The following ACOXL variants were observed in gnomAD, a reference collection of about 807,000 sequenced individuals.
ACOXL encodes the protein acyl-CoA oxidase like, also known as acyl-coenzyme A oxidase-like protein.
Under a neutral mutation model 71.9 loss-of-function variants are expected in ACOXL, and 70 were observed. The observed-to-expected ratio is 0.97, with a 90% CI of 0.80 to 1.19. The LOEUF (loss-of-function observed/expected upper bound fraction) is 1.19. ACOXL is among the 50% of genes most tolerant of loss of function. The probability of loss-of-function intolerance (pLI) is 0.00; values close to 1 mark genes in which losing one functional copy is unlikely to be tolerated. For synonymous variants in ACOXL, 253 were observed against 281.6 expected (o/e 0.90, Z 1.02); for missense variants, 703 against 736.3 (o/e 0.95, Z 0.52).
intron 11 of ACOXL, among the ~76,000 whole-genome samples, chr2:110,930,412 G>C (rs149274886): frequency 0.014 from 2,126 of 152,330 alleles, 26 homozygotes; most frequent in Middle Eastern, 0.051. Context: ...TAACTAACTT[G>C]CTTTTGATTT....
intron 4 of ACOXL, 152 bp from the exon 5 acceptor site, chr2:110,793,924 A>C (rs1684970656): frequency 2.4e-6 from 2 of 832,256 alleles, no homozygotes; most frequent in Non-Finnish European, 3.8e-6. Flanking sequence ...TCATGTTGTT[A>C]AGCTCACATT....
chr2:110,790,285 T>C (rs1684488741), intron 3 of ACOXL, among the ~76,000 whole-genome samples: 1 of 152,136 alleles, frequency 6.6e-6, no homozygotes, highest in Admixed American at 6.5e-5. Flanking sequence ...CCACCAGATT[T>C]CCCTTCCACT....
At chr2:110,806,279 C>G (rs796108538) in intron 9 of ACOXL, among the ~76,000 whole-genome samples, 2 of 152,356 alleles carry the variant, frequency 1.3e-5, no homozygotes, top group South Asian at 4.1e-4. Context: ...CATCAACACG[C>G]GTACGCGGCC....
At chr2:110,882,133 C>T (rs1696735128) in intron 10 of ACOXL, among the ~76,000 whole-genome samples, 1 of 152,156 alleles carries the variant, frequency 6.6e-6, no homozygotes, top group Non-Finnish European at 1.5e-5. Flanking sequence ...CAATCCTTAG[C>T]GTGGTCAGTC....
intron 12 of ACOXL, chr2:110,963,824 T>G: frequency 1.4e-6 from 2 of 1,438,540 alleles, no homozygotes; most frequent in Non-Finnish European, 1.9e-6. Context: ...GCTTTCCTGT[T>G]AGGCACTTGA....
intron 1 of ACOXL, among the ~76,000 whole-genome samples, chr2:110,740,340 G>A (rs531362735): frequency 1.3e-5 from 2 of 152,234 alleles, no homozygotes; most frequent in Non-Finnish European, 2.9e-5. Context: ...AAATCCCAGT[G>A]TTCATCTCTT....
intron 3 of ACOXL, among the ~76,000 whole-genome samples, chr2:110,792,451 G>A (rs1684766149): frequency 6.6e-6 from 1 of 151,954 alleles, no homozygotes; most frequent in Admixed American, 6.6e-5. Flanking sequence ...CATCCTCTTT[G>A]TCTTCCTCCT....
chr2:110,872,892 G>T (rs1031304749), intron 10 of ACOXL, among the ~76,000 whole-genome samples: 4 of 152,228 alleles, frequency 2.6e-5, no homozygotes, highest in South Asian at 2.1e-4. Context: ...CCAGTGAAAT[G>T]TCTCCAAGGA....
chr2:110,848,415 G>A (rs1025975928), intron 10 of ACOXL, among the ~76,000 whole-genome samples: 5 of 152,188 alleles, frequency 3.3e-5, no homozygotes, highest in Admixed American at 1.3e-4. Context: ...GGATGGTTGC[G>A]TTTTTGATGG....
chr2:111,075,727 T>C (rs2067567905), intron 16 of ACOXL, among the ~76,000 whole-genome samples: 1 of 152,114 alleles, frequency 6.6e-6, no homozygotes, highest in South Asian at 2.1e-4. Flanking sequence ...CTCTGAGTAC[T>C]ACTTTTCCTG....
chr2:111,091,273 C>G (rs1031593183), intron 16 of ACOXL, among the ~76,000 whole-genome samples: 3 of 152,152 alleles, frequency 2.0e-5, no homozygotes, highest in Admixed American at 1.3e-4. Flanking sequence ...TCTTGTCCAT[C>G]CTATTTAAAT....
At chr2:110,803,678 C>T (rs113341220) in intron 8 of ACOXL, among the ~76,000 whole-genome samples, 5 of 152,050 alleles carry the variant, frequency 3.3e-5, no homozygotes, top group African/African-American at 9.7e-5. Context: ...TGGACTTCAT[C>T]GAAGTTATAA....
At chr2:110,927,339 C>T (rs2060310697) in intron 11 of ACOXL, among the ~76,000 whole-genome samples, 1 of 152,148 alleles carries the variant, frequency 6.6e-6, no homozygotes, top group South Asian at 2.1e-4. Flanking sequence ...CAAACCAAAT[C>T]ATGGGTCAAG....
chr2:110,966,159 G>A (rs1001828676), intron 12 of ACOXL, among the ~76,000 whole-genome samples: 9 of 152,180 alleles, frequency 5.9e-5, no homozygotes, highest in Admixed American at 4.6e-4. Flanking sequence ...GCCTTAGTGG[G>A]GCTGAGCAGG....
intron 12 of ACOXL, among the ~76,000 whole-genome samples, chr2:110,959,701 G>A (rs1251536362): frequency 6.6e-6 from 1 of 152,148 alleles, no homozygotes; most frequent in Non-Finnish European, 1.5e-5. Flanking sequence ...CCCTGAGAAT[G>A]AGGGATGCTG....
chr2:111,067,524 G>A (rs746782577), intron 16 of ACOXL, among the ~76,000 whole-genome samples: 2 of 152,074 alleles, frequency 1.3e-5, no homozygotes, highest in Non-Finnish European at 1.5e-5. Flanking sequence ...TCACTGACTC[G>A]CTTAGTCAAG....
intron 11 of ACOXL, among the ~76,000 whole-genome samples, chr2:110,922,154 A>T (rs1266770779): frequency 6.6e-6 from 1 of 152,150 alleles, no homozygotes. Flanking sequence ...TGTAATTATG[A>T]ATTTGTTTAT....
chr2:110,922,101 G>A (rs555143120), intron 11 of ACOXL, among the ~76,000 whole-genome samples: 10 of 152,312 alleles, frequency 6.6e-5, no homozygotes, highest in South Asian at 4.1e-4. Flanking sequence ...TTCTGCTTAC[G>A]TGTTTTATCA....
At chr2:110,998,309 A>C (rs1229034368) in intron 14 of ACOXL, among the ~76,000 whole-genome samples, 2 of 152,244 alleles carry the variant, frequency 1.3e-5, no homozygotes, top group Non-Finnish European at 2.9e-5. Flanking sequence ...TACTGAACAC[A>C]GAATGCTTGT....
Sources: gnomAD v4.1 joint callset for allele counts (sites outside exome capture counted in the v4.1 genomes callset) on GRCh38, gnomAD v4.1.1 for gene constraint, MANE v1.5 for transcripts, NCBI Gene and HGNC (gene_info 2026-07-23, HGNC 2026-07-21) for gene names.